Variants in LRP1B observed in about 807,000 individuals in gnomAD.
The protein encoded by LRP1B is LDL receptor related protein 1B.
A neutral mutation model predicts 556.6 loss-of-function variants in LRP1B; 217 were observed. The observed-to-expected ratio is 0.39, with a 90% CI of 0.35 to 0.44. LRP1B has a LOEUF of 0.44. LRP1B is among the 20% of genes least tolerant of loss of function. LRP1B has a pLI of 1.00. For missense variants in LRP1B, 5,053 were observed against 5,620.8 expected (o/e 0.90, Z 3.23); for synonymous variants, 2,047 against 1,865.8 (o/e 1.10, Z -2.50).
chr2:140,251,566 C>G (rs947553495), intron 86 of LRP1B, among the ~76,000 whole-genome samples: 1 of 151,806 alleles, frequency 6.6e-6, no homozygotes, highest in Non-Finnish European at 1.5e-5. Flanking sequence ...CAAAGGTGAA[C>G]CTTAAAGCAA....
chr2:141,037,879 T>C (rs916540893), intron 11 of LRP1B, among the ~76,000 whole-genome samples: 2 of 149,850 alleles, frequency 1.3e-5, no homozygotes, highest in South Asian at 2.1e-4. Context: ...CATGCGCACG[T>C]GCATGTACAC....
At chr2:141,594,432 C>A (rs1687446119) in intron 2 of LRP1B, among the ~76,000 whole-genome samples, 1 of 152,034 alleles carries the variant, frequency 6.6e-6, no homozygotes, top group Non-Finnish European at 1.5e-5. Context: ...TTAGAATACA[C>A]ACGTTTTTGT....
At chr2:140,689,627 G>T (rs1179313676) in intron 41 of LRP1B, among the ~76,000 whole-genome samples, 1 of 152,158 alleles carries the variant, frequency 6.6e-6, no homozygotes, top group Non-Finnish European at 1.5e-5. Context: ...CTAATATTGG[G>T]ACGCTAATTC....
intron 60 of LRP1B, among the ~76,000 whole-genome samples, chr2:140,469,759 G>A (rs1304023037): frequency 6.6e-6 from 1 of 152,116 alleles, no homozygotes; most frequent in Admixed American, 6.5e-5. Context: ...ATCTTCAATT[G>A]TCTGTTCAAA....
intron 2 of LRP1B, among the ~76,000 whole-genome samples, chr2:141,788,554 T>C (rs971953842): frequency 6.6e-6 from 1 of 152,194 alleles, no homozygotes; most frequent in Admixed American, 6.6e-5. Flanking sequence ...TATTATACTT[T>C]AAGTTTTAGG....
At chr2:140,804,171 A>G (rs1690627879) in intron 32 of LRP1B, among the ~76,000 whole-genome samples, 1 of 152,102 alleles carries the variant, frequency 6.6e-6, no homozygotes, top group African/African-American at 2.4e-5. Context: ...AGGAATTTTC[A>G]AATTATCAGA....
intron 66 of LRP1B, among the ~76,000 whole-genome samples, chr2:140,395,132 A>G (rs1684194220): frequency 6.6e-6 from 1 of 152,214 alleles, no homozygotes; most frequent in Admixed American, 6.6e-5. Context: ...TTTATTGCTT[A>G]AAATATTACA....
chr2:142,116,095 T>C (rs1181856162), intron 1 of LRP1B, among the ~76,000 whole-genome samples: 1 of 141,982 alleles, frequency 7.0e-6, no homozygotes, highest in African/African-American at 2.7e-5. Context: ...CATATGCCTG[T>C]AGTCCCAGCT....
chr2:141,780,367 A>T (rs1695215229), intron 2 of LRP1B, among the ~76,000 whole-genome samples: 1 of 151,782 alleles, frequency 6.6e-6, no homozygotes, highest in Non-Finnish European at 1.5e-5. Context: ...TGGGTGGGAG[A>T]GCTATTTCCC....
intron 3 of LRP1B, among the ~76,000 whole-genome samples, chr2:141,374,129 T>C (rs1689341378): frequency 6.6e-6 from 1 of 152,080 alleles, no homozygotes; most frequent in Non-Finnish European, 1.5e-5. Flanking sequence ...GCAGGGTATG[T>C]TTATAGAGAA....
At chr2:141,226,115 T>A (rs775203960) in intron 6 of LRP1B, among the ~76,000 whole-genome samples, 4 of 32,444 alleles carry the variant, frequency 1.2e-4, no homozygotes, top group Non-Finnish European at 1.6e-4. Context: ...GAGTCTCAAT[T>A]TTCCCCCCCA....
At chr2:141,795,871 T>A (rs1277174175) in intron 2 of LRP1B, among the ~76,000 whole-genome samples, 1 of 75,584 alleles carries the variant, frequency 1.3e-5, no homozygotes, top group African/African-American at 5.0e-5. Context: ...TATATATATA[T>A]ATATATATAT....
chr2:142,035,602 G>C (rs1340081373), intron 1 of LRP1B, among the ~76,000 whole-genome samples: 1 of 151,608 alleles, frequency 6.6e-6, no homozygotes, highest in Non-Finnish European at 1.5e-5. Flanking sequence ...CTGCTTATGA[G>C]TTTTGTTTCC....
intron 32 of LRP1B, among the ~76,000 whole-genome samples, chr2:140,805,710 T>G (rs1007488513): frequency 6.6e-6 from 1 of 152,176 alleles, no homozygotes; most frequent in African/African-American, 2.4e-5. Flanking sequence ...CACTAATGGA[T>G]GGATCAACAC....
rs559152646 is a variant in LRP1B at position 140,326,872 on chromosome 2, T to C, written c.12224-994A>G. On this transcript the variant is annotated intron_variant, in intron 79 of 90. Transcript: ENST00000389484. ...CAGTAAAAATAATATTTTTCTACTT[T>C]TTTAGTTTCATTTTTTGATTTCATG... is the stretch of plus-strand genomic sequence containing the variant. 3.9e-5 allele frequency among the ~76,000 whole-genome samples: 6 copies of C among 152,266 alleles called. No homozygotes were observed. In the South Asian group the frequency reaches 6.2e-4, roughly 16 times the overall value.
intron 5 of LRP1B, among the ~76,000 whole-genome samples, chr2:141,231,512 G>A (rs1189118762): frequency 1.3e-5 from 2 of 152,160 alleles, no homozygotes; most frequent in African/African-American, 2.4e-5. Flanking sequence ...TACACACAGA[G>A]ATGGTCCAGT....
rs79836121 is a variant in LRP1B, at chr2:141,552,090, T to C, written c.206-71557A>G. On this transcript the variant is annotated intron_variant, in intron 2 of 90. Coordinates refer to ENST00000389484, the MANE Select transcript of LRP1B (RefSeq NM_018557.3). ...AAGTCTTTCTTTTTTTATATGAATA[T>C]CAGTAATTCATTAGAAACCTATTAT... Among the ~76,000 whole-genome samples, 299 of 152,164 alleles carry C rather than the reference T, an allele frequency of 2.0e-3. 7 individuals carry two copies. The East Asian group carries it at 0.055, about 28-fold the overall frequency.
intron 58 of LRP1B, among the ~76,000 whole-genome samples, chr2:140,485,920 A>G (rs1185965755): frequency 2.0e-5 from 3 of 151,198 alleles, no homozygotes; most frequent in African/African-American, 7.3e-5. Flanking sequence ...CCAGTTTGGG[A>G]GAGATAACAG....
chr2:141,596,216 C>T (rs533997484), intron 2 of LRP1B, among the ~76,000 whole-genome samples: 1 of 151,586 alleles, frequency 6.6e-6, no homozygotes, highest in Admixed American at 6.6e-5. Flanking sequence ...GAAAATAAAG[C>T]AAAATATGTT....
Sources: gnomAD v4.1 joint callset for allele counts (sites outside exome capture counted in the v4.1 genomes callset) on GRCh38, gnomAD v4.1.1 for gene constraint, MANE v1.5 for transcripts, NCBI Gene and HGNC (gene_info 2026-07-23, HGNC 2026-07-21) for gene names.